GREB1: variants seen among roughly 807,000 people sequenced by gnomAD.
GREB1 encodes the protein protein GREB1.
Under a neutral mutation model 200.7 loss-of-function variants are expected in GREB1, and 106 were observed. That is an observed-to-expected ratio of 0.53 (90% confidence interval 0.45 to 0.62). The LOEUF (loss-of-function observed/expected upper bound fraction) is 0.62. GREB1 is among the 20% of genes least tolerant of loss of function. The pLI is 0.00. For synonymous variants in GREB1, 1,132 were observed against 1,092.4 expected, an observed-to-expected ratio of 1.04 and a Z score of -0.72; for missense variants, 2,243 against 2,556.8, an observed-to-expected ratio of 0.88 and a Z score of 2.65.
rs1676459925 is a variant in GREB1, at chr2:11,556,649, C to T, written c.35C>T (p.Thr12Ile). Residue 12 changes from threonine to isoleucine, a missense_variant, in exon 2 of 33, where the codon ACA becomes ATA. Physicochemically the swap from Thr to Ile is moderately conservative, Grantham distance 89. Transcript: ENST00000381486. Reference protein sequence around the residue: ...GNSYAGQLKTTRFEEVLHNSI... With the variant: ...GNSYAGQLKTIRFEEVLHNSI... ...TCTTACGCTGGACAGCTGAAGACGACACGCTTTGAAGAGGTCTTGCACAAT... is the reference window on the plus strand; with the variant it reads ...TCTTACGCTGGACAGCTGAAGACGATACGCTTTGAAGAGGTCTTGCACAAT... The T allele has an allele frequency of 1.9e-6, 3 of 1,613,486 alleles. No individual in the cohort carries two copies. The East Asian group carries it at 6.7e-5, about 36-fold the overall frequency.
At position 11,535,851 on chromosome 2, in the gene GREB1, C is replaced by A. The variant is rs578068530; in HGVS notation, c.-162+1597C>A. ...TAAATCTCTGAAATCTCTGGGCTGTCTACATTTTGCCTGGATATGGATGTC... is the reference window on the plus strand; with the variant it reads ...TAAATCTCTGAAATCTCTGGGCTGTATACATTTTGCCTGGATATGGATGTC... On this transcript the variant is annotated intron_variant, in intron 1 of 32. Transcript: ENST00000381486. Among the ~76,000 whole-genome samples, 160 of 152,294 alleles carry A rather than the reference C, an allele frequency of 1.1e-3. 1 individual carries two copies. The highest frequency in any genetic ancestry group is 5.7e-4 in the Non-Finnish European group (39 of 68,032).
chr2:11,630,876 C>CAT (rs2148419854), intron 26 of GREB1, among the ~76,000 whole-genome samples: 1 of 152,276 alleles, frequency 6.6e-6, no homozygotes, highest in African/African-American at 2.4e-5. Context: ...TTAACCAGCC[C>CAT]CGCTCAAGGC....
chr2:11,596,017 G>T, intron 12 of GREB1, 94 bp from the exon 13 acceptor site: 1 of 1,241,946 alleles, frequency 8.1e-7, no homozygotes, highest in Non-Finnish European at 1.1e-6. Context: ...CATGACTCCA[G>T]GCCTCGGGAC....
chr2:11,620,736 A>G (rs1391638696), intron 22 of GREB1, among the ~76,000 whole-genome samples, 169 bp from the exon 23 acceptor site: 1 of 152,190 alleles, frequency 6.6e-6, no homozygotes, highest in African/African-American at 2.4e-5. Context: ...CCATTTGTCC[A>G]CCTGCCACGC....
At chr2:11,614,336 A>G (rs1189432077) in intron 19 of GREB1, among the ~76,000 whole-genome samples, 1 of 152,000 alleles carries the variant, frequency 6.6e-6, no homozygotes, top group Non-Finnish European at 1.5e-5. Flanking sequence ...CATGTTGGTT[A>G]GGCTGGTCTT....
intron 10 of GREB1, chr2:11,592,176 CT>C (rs1020391531): frequency 2.3e-3 from 1,278 of 554,670 alleles, no homozygotes; most frequent in African/African-American, 6.1e-3. Flanking sequence ...TGGCTTCCTA[CT>C]TTTTTTTTTC....
chr2:11,640,416 G>C lies in GREB1; in HGVS notation c.5812G>C (p.Asp1938His), dbSNP rs1234545690. Residue 1938 changes from aspartate to histidine, a missense_variant, in exon 33 of 33, where the codon GAC becomes CAC. This residue lies in a region of GREB1 where 478 missense variants were observed against 616.3 expected (regional missense o/e 0.78). Coordinates refer to ENST00000381486, the MANE Select transcript of GREB1 (RefSeq NM_014668.4). The surrounding 1 kb of genome is among the most constrained non-coding windows in gnomAD (Gnocchi z 4.6). Reference sequence around the variant, plus strand: ...GTTCCAGACCGCCAATGCCAGGGAAGACCGGCCGCTCTTTTTTCTGACGGG... The same window carrying C: ...GTTCCAGACCGCCAATGCCAGGGAACACCGGCCGCTCTTTTTTCTGACGGG... ...DEFQTANARE[D>H]RPLFFLTGRH... 1 of 1,614,114 alleles carries C rather than the reference G, an allele frequency of 6.2e-7. No homozygotes were observed. Among genetic ancestry groups the C allele is most frequent in the Non-Finnish European group, 8.5e-7 (1 of 1,180,050 alleles).
chr2:11,610,877 G>A lies in GREB1; in HGVS notation c.2856G>A (p.Leu952=). 4 of 1,613,226 alleles carry A rather than the reference G, an allele frequency of 2.5e-6. No homozygotes were observed. Among genetic ancestry groups the A allele is most frequent in the Non-Finnish European group, 3.4e-6 (4 of 1,179,868 alleles). Residue 952 remains leucine, a synonymous_variant, in exon 18 of 33, where the codon CTG becomes CTA. Transcript: ENST00000381486. ...CPCGHGLMVL[L]RVPCSPLAVV... ...GCGGCCACGGGCTCATGGTCCTGCT[G>A]CGGGTGCCCTGTTCGCCCCTGGCGG... is the stretch of plus-strand genomic sequence containing the variant.
At chr2:11,543,307 G>A (rs1464362035) in intron 1 of GREB1, among the ~76,000 whole-genome samples, 3 of 152,206 alleles carry the variant, frequency 2.0e-5, no homozygotes, top group Non-Finnish European at 4.4e-5. Context: ...GCAAGCTTAA[G>A]ACTTAAAATT....
At chr2:11,568,108 A>G (rs1236451320) in intron 4 of GREB1, among the ~76,000 whole-genome samples, 1 of 152,220 alleles carries the variant, frequency 6.6e-6, no homozygotes. Context: ...GTGAGAATTT[A>G]TGGGAAAAAC....
intron 1 of GREB1, among the ~76,000 whole-genome samples, chr2:11,513,804 A>G (rs555299581): frequency 6.6e-6 from 1 of 152,260 alleles, no homozygotes; most frequent in East Asian, 1.9e-4. Flanking sequence ...TATTGGCTGG[A>G]CATCCTGGCT....
chr2:11,564,292 C>T (rs2147938276), intron 3 of GREB1, among the ~76,000 whole-genome samples: 1 of 152,154 alleles, frequency 6.6e-6, no homozygotes, highest in South Asian at 2.1e-4. Context: ...ATGGGCTGCT[C>T]TTCCAGGCAA....
upstream of GREB1, among the ~76,000 whole-genome samples, chr2:11,530,376 T>C (rs1376612817): frequency 6.6e-6 from 1 of 151,128 alleles, no homozygotes; most frequent in Admixed American, 6.6e-5. Flanking sequence ...GTGATTCTTA[T>C]GCACACTAAA....
chr2:11,638,050 GC>G, intron 31 of GREB1, 134 bp downstream of exon 31: 1 of 763,878 alleles, frequency 1.3e-6, no homozygotes, highest in Non-Finnish European at 2.2e-6. Context: ...TGTAGGTTTT[GC>G]CATTCAGCTG....
chr2:11,589,806 G>T (rs1276256982), intron 10 of GREB1, among the ~76,000 whole-genome samples: 1 of 152,176 alleles, frequency 6.6e-6, no homozygotes, highest in Non-Finnish European at 1.5e-5. Flanking sequence ...TTTGAAGGGG[G>T]TGGGAGCAGA....
intron 1 of GREB1, among the ~76,000 whole-genome samples, chr2:11,510,302 T>C (rs558424492): frequency 6.6e-6 from 1 of 152,314 alleles, no homozygotes; most frequent in South Asian, 2.1e-4. Flanking sequence ...GCAATCTGCT[T>C]TTCTCCCTGT....
chr2:11,538,342 C>T (rs1036288770), intron 1 of GREB1, among the ~76,000 whole-genome samples: 3 of 151,364 alleles, frequency 2.0e-5, no homozygotes, highest in African/African-American at 7.3e-5. Flanking sequence ...CTGACTGGGG[C>T]ACCAAGAGGA....
intron 2 of GREB1, among the ~76,000 whole-genome samples, chr2:11,558,497 C>A (rs1245741790): frequency 6.6e-6 from 1 of 152,172 alleles, no homozygotes; most frequent in Non-Finnish European, 1.5e-5. Flanking sequence ...TTGTCCAGCT[C>A]CACGTTGGTA....
intron 7 of GREB1, among the ~76,000 whole-genome samples, chr2:11,582,176 C>G (rs1315350610): frequency 6.6e-6 from 1 of 152,216 alleles, no homozygotes; most frequent in Non-Finnish European, 1.5e-5. Flanking sequence ...GGACCCCCAG[C>G]CTCCACCCTG....
Sources: gnomAD v4.1 joint callset for allele counts (sites outside exome capture counted in the v4.1 genomes callset) on GRCh38, gnomAD v4.1.1 for gene constraint, gnomAD v4.1.1 regional missense constraint, Gnocchi (gnomAD v3.1) non-coding constraint, MANE v1.5 for transcripts, NCBI Gene and HGNC (gene_info 2026-07-23, HGNC 2026-07-21) for gene names.